The following ITFG1 variants were observed in gnomAD, a reference collection of about 807,000 sequenced individuals.
ITFG1 encodes T-cell immunomodulatory protein.
In ITFG1, 34 loss-of-function variants were observed where a neutral mutation model predicts 81.8. The observed-to-expected ratio is 0.42, with a 90% confidence interval of 0.32 to 0.55. ITFG1 has a LOEUF of 0.55. Among genes scored for constraint, ITFG1 ranks in the 20% least tolerant of loss-of-function variants. The pLI, the probability that ITFG1 is intolerant of heterozygous loss-of-function variation, is 0.17. For synonymous variants in ITFG1, 285 were observed against 270.6 expected (o/e 1.05, Z -0.52); for missense variants, 672 against 755.4 (o/e 0.89, Z 1.29).
At chr16:47,274,725 C>T (rs947961234) in intron 10 of ITFG1, among the ~76,000 whole-genome samples, 11 of 152,034 alleles carry the variant, frequency 7.2e-5, no homozygotes, top group African/African-American at 2.4e-4. Flanking sequence ...ACTCTCACTT[C>T]TATATATCCT....
At chr16:47,441,512 AG>A (rs1487413951) in intron 5 of ITFG1, among the ~76,000 whole-genome samples, 1 of 152,206 alleles carries the variant, frequency 6.6e-6, no homozygotes, top group Non-Finnish European at 1.5e-5. Context: ...CTGGGATGCA[AG>A]GCTGGTTCAA....
At chr16:47,432,470 A>G (rs1969107853) in intron 5 of ITFG1, among the ~76,000 whole-genome samples, 2 of 152,198 alleles carry the variant, frequency 1.3e-5, no homozygotes, top group Admixed American at 1.3e-4. Context: ...TCTCTACACA[A>G]AATGTGTTCT....
intron 10 of ITFG1, among the ~76,000 whole-genome samples, chr16:47,288,560 T>A (rs1966879176): frequency 1.3e-5 from 2 of 152,174 alleles, no homozygotes; most frequent in Admixed American, 1.3e-4. Context: ...TTTCCCACCA[T>A]CAATGTATAA....
intron 7 of ITFG1, among the ~76,000 whole-genome samples, chr16:47,373,895 TA>T (rs763042950): frequency 6.6e-6 from 1 of 152,234 alleles, no homozygotes; most frequent in Non-Finnish European, 1.5e-5. Flanking sequence ...GTCCAATCTC[TA>T]ATTGAAAATG....
intron 14 of ITFG1, among the ~76,000 whole-genome samples, chr16:47,203,949 A>G (rs546503919): frequency 2.0e-5 from 3 of 152,298 alleles, no homozygotes; most frequent in Non-Finnish European, 4.4e-5. Flanking sequence ...CTGGAGAGTA[A>G]TGATGGTGAT....
chr16:47,269,466 T>C (rs1197916038), intron 10 of ITFG1, among the ~76,000 whole-genome samples: 1 of 101,498 alleles, frequency 9.9e-6, no homozygotes, highest in Non-Finnish European at 1.9e-5. Context: ...CTGGGCAACA[T>C]AGAAAGACCC....
At chr16:47,421,289 CACACACACACACACACAT>C (rs1171004723) in intron 6 of ITFG1, among the ~76,000 whole-genome samples, 3 of 150,676 alleles carry the variant, frequency 2.0e-5, no homozygotes, top group African/African-American at 7.4e-5. Flanking sequence ...CACACACACA[CACACACACACACACACAT>C]ACATATTTTT....
At chr16:47,176,074 G>A (rs1294422778) in intron 14 of ITFG1, among the ~76,000 whole-genome samples, 3 of 152,170 alleles carry the variant, frequency 2.0e-5, no homozygotes, top group Admixed American at 6.5e-5. Context: ...AATGAGGGAC[G>A]CCAATTTGCT....
At chr16:47,349,854 A>C (rs1337531297) in intron 8 of ITFG1, among the ~76,000 whole-genome samples, 2 of 152,214 alleles carry the variant, frequency 1.3e-5, no homozygotes, top group Non-Finnish European at 2.9e-5. Flanking sequence ...AATTATAACA[A>C]ACTGTCTCTC....
At chr16:47,409,795 A>G (rs1254427710) in intron 6 of ITFG1, among the ~76,000 whole-genome samples, 4 of 152,032 alleles carry the variant, frequency 2.6e-5, no homozygotes, top group Non-Finnish European at 5.9e-5. Context: ...CAAAACACAT[A>G]TCATGACAGA....
intron 14 of ITFG1, 86 bp downstream of exon 14, chr16:47,218,782 A>G: frequency 1.5e-6 from 1 of 689,482 alleles, no homozygotes; most frequent in Non-Finnish European, 2.3e-6. Flanking sequence ...AGGAGTGTGA[A>G]AACATAATTT....
chr16:47,408,807 T>A (rs1316331467), intron 6 of ITFG1, among the ~76,000 whole-genome samples: 1 of 152,176 alleles, frequency 6.6e-6, no homozygotes, highest in Non-Finnish European at 1.5e-5. Context: ...GGGCAGGAGT[T>A]TGCAAGCCTT....
intron 8 of ITFG1, among the ~76,000 whole-genome samples, chr16:47,364,841 AT>A (rs1968154242): frequency 6.6e-6 from 1 of 152,210 alleles, no homozygotes; most frequent in South Asian, 2.1e-4. Context: ...AACAAAAAAC[AT>A]GTAAGTCCAA....
chr16:47,216,564 GGAAAGTGAATCTCTT>G (rs1965627237), intron 14 of ITFG1, among the ~76,000 whole-genome samples: 1 of 151,966 alleles, frequency 6.6e-6, no homozygotes, highest in African/African-American at 2.4e-5. Context: ...TGTACAAAGT[GGAAAGTGAATCTCTT>G]GAAATTGTAT....
At chr16:47,435,297 T>C (rs1969151743) in intron 5 of ITFG1, among the ~76,000 whole-genome samples, 1 of 152,244 alleles carries the variant, frequency 6.6e-6, no homozygotes, top group Non-Finnish European at 1.5e-5. Flanking sequence ...TATTTTCATA[T>C]ATGTGCCCAA....
chr16:47,347,605 T>G (rs543818635), intron 8 of ITFG1, among the ~76,000 whole-genome samples: 1 of 152,274 alleles, frequency 6.6e-6, no homozygotes, highest in African/African-American at 2.4e-5. Context: ...CTCTGTAGAC[T>G]CCACCTCTGG....
At chr16:47,212,741 T>A (rs985911758) in intron 14 of ITFG1, among the ~76,000 whole-genome samples, 1 of 152,224 alleles carries the variant, frequency 6.6e-6, no homozygotes, top group African/African-American at 2.4e-5. Flanking sequence ...TCCCTTATTA[T>A]CCTTTTGATA....
chr16:47,324,801 G>A (rs576942632), intron 8 of ITFG1, among the ~76,000 whole-genome samples: 22 of 152,268 alleles, frequency 1.4e-4, no homozygotes, highest in African/African-American at 4.6e-4. Context: ...AAATATATAT[G>A]CTCCCAATAC....
chr16:47,403,403 A>AT (rs538584743), intron 6 of ITFG1, among the ~76,000 whole-genome samples: 231 of 151,188 alleles, frequency 1.5e-3, no homozygotes, highest in Non-Finnish European at 2.8e-3. Context: ...AGTCATTTTC[A>AT]TTTTTTTTTA....
Sources: allele counts gnomAD v4.1 joint callset (sites outside exome capture counted in the v4.1 genomes callset), GRCh38; gene constraint gnomAD v4.1.1; transcripts MANE v1.5; gene names NCBI Gene and HGNC (gene_info 2026-07-23, HGNC 2026-07-21).